Variants in HS6ST3 observed in about 807,000 individuals in gnomAD.
HS6ST3 encodes the protein heparan sulfate 6-O-sulfotransferase 3.
A neutral mutation model predicts 36.7 loss-of-function variants in HS6ST3; 12 were observed. That is an observed-to-expected ratio of 0.33 (90% confidence interval 0.21 to 0.53). The LOEUF (loss-of-function observed/expected upper bound fraction) is 0.53. Among genes scored for constraint, HS6ST3 ranks in the 20% least tolerant of loss-of-function variants. HS6ST3 has a pLI of 0.95. For synonymous variants in HS6ST3, 240 were observed against 257.5 expected (o/e 0.93, Z 0.65); for missense variants, 584 against 640.9 (o/e 0.91, Z 0.96).
chr13:96,512,433 T>C lies in HS6ST3; in HGVS notation c.708-320057T>C, dbSNP rs867578116. On this transcript the variant is annotated intron_variant, in intron 1 of 1. Transcript: ENST00000376705. ...TTTATCAAAATTCTCCAAAAATCCA[T>C]TTGGAACTCTTGATTGTGGCTGTAC... 4.8e-4 allele frequency among the ~76,000 whole-genome samples: 73 copies of C among 152,304 alleles called. No homozygotes were observed. The Middle Eastern group carries it at 0.014, about 28-fold the overall frequency.
intron 1 of HS6ST3, among the ~76,000 whole-genome samples, chr13:96,212,122 A>G (rs1462307688): frequency 6.6e-6 from 1 of 152,236 alleles, no homozygotes; most frequent in Non-Finnish European, 1.5e-5. Context: ...TCTCTAGGGT[A>G]AAAATTAAAA....
intron 1 of HS6ST3, among the ~76,000 whole-genome samples, chr13:96,301,837 G>A (rs189967902): frequency 2.7e-5 from 4 of 150,560 alleles, no homozygotes; most frequent in Non-Finnish European, 4.4e-5. Flanking sequence ...GGAGGCGGAC[G>A]TTGCAGTAAA....
Position 96,394,389 on chromosome 13 carries a change from G to T in HS6ST3, c.707+302820G>T, listed in dbSNP as rs1391309742. On this transcript the variant is annotated intron_variant, in intron 1 of 1. Coordinates refer to ENST00000376705, the MANE Select transcript of HS6ST3 (RefSeq NM_153456.4). ...AGCACGTCTTGAGATAAGGGATAAAGTGTCACTTTTTAGACTTCAGCAAGG... is the reference window on the plus strand; with the variant it reads ...AGCACGTCTTGAGATAAGGGATAAATTGTCACTTTTTAGACTTCAGCAAGG... 6.6e-5 allele frequency among the ~76,000 whole-genome samples: 10 copies of T among 152,116 alleles called. No individual in the cohort carries two copies. The East Asian group carries it at 1.9e-3, about 29-fold the overall frequency.
chr13:96,433,162 C>T (rs752345701), intron 1 of HS6ST3, among the ~76,000 whole-genome samples: 1 of 152,080 alleles, frequency 6.6e-6, no homozygotes, highest in African/African-American at 2.4e-5. Context: ...ATTCTCGGTT[C>T]TGATAAGAAA....
At chr13:96,120,585 A>G (rs1006784808) in intron 1 of HS6ST3, among the ~76,000 whole-genome samples, 1 of 152,152 alleles carries the variant, frequency 6.6e-6, no homozygotes, top group Non-Finnish European at 1.5e-5. Flanking sequence ...ATTGAACTTT[A>G]TTTCCTTTAT....
At chr13:96,316,257 CTGTG>C (rs10534465) in intron 1 of HS6ST3, among the ~76,000 whole-genome samples, 2,371 of 147,244 alleles carry the variant, frequency 0.016, 46 homozygotes, top group African/African-American at 0.044. Context: ...CTACATACAC[CTGTG>C]TGTGTGTGTG....
intron 1 of HS6ST3, among the ~76,000 whole-genome samples, chr13:96,665,728 A>G (rs547370928): frequency 2.0e-5 from 3 of 152,274 alleles, no homozygotes; most frequent in South Asian, 4.1e-4. Context: ...GATCATGAGC[A>G]TTAAGTAATA....
At chr13:96,604,914 C>T (rs1193348272) in intron 1 of HS6ST3, among the ~76,000 whole-genome samples, 1 of 152,140 alleles carries the variant, frequency 6.6e-6, no homozygotes, top group African/African-American at 2.4e-5. Context: ...TCTGCTGTGC[C>T]ATTTCCATAA....
chr13:96,327,253 C>G (rs1020984744), intron 1 of HS6ST3, among the ~76,000 whole-genome samples: 1 of 151,640 alleles, frequency 6.6e-6, no homozygotes, highest in African/African-American at 2.4e-5. Context: ...AAGTCCTTGC[C>G]CATGCCTATG....
intron 1 of HS6ST3, among the ~76,000 whole-genome samples, chr13:96,762,276 G>A (rs1176633534): frequency 2.0e-5 from 3 of 152,102 alleles, no homozygotes; most frequent in Non-Finnish European, 1.5e-5. Context: ...TCAGGAGTTT[G>A]AGACCAGCCT....
At chr13:96,822,152 C>A (rs546817598) in intron 1 of HS6ST3, among the ~76,000 whole-genome samples, 1 of 152,208 alleles carries the variant, frequency 6.6e-6, no homozygotes, top group Non-Finnish European at 1.5e-5. Flanking sequence ...CTGCTTTGCC[C>A]GGCTGGGATT....
intron 1 of HS6ST3, among the ~76,000 whole-genome samples, chr13:96,683,793 T>G (rs1417069687): frequency 1.3e-5 from 2 of 152,202 alleles, no homozygotes; most frequent in African/African-American, 4.8e-5. Flanking sequence ...TAGAAGACAA[T>G]TATTTCTATC....
intron 1 of HS6ST3, among the ~76,000 whole-genome samples, chr13:96,455,365 G>A (rs954071054): frequency 3.3e-5 from 5 of 151,998 alleles, no homozygotes; most frequent in Non-Finnish European, 5.9e-5. Context: ...GATTACAGGC[G>A]TGTACCACTA....
At position 96,837,891 on chromosome 13, in the gene HS6ST3, C is replaced by T. The variant is rs147144741; in HGVS notation, c.*4693C>T. ...CTCTCCCTTTTTAATGTCTTCTTCC[C>T]CAGGCTCCTGGTACTTTGTCAGCAA... is the stretch of plus-strand genomic sequence containing the variant. On this transcript the variant is annotated 3_prime_UTR_variant, in exon 2 of 2. Transcript: ENST00000376705. 2 of 152,128 alleles carry T rather than the reference C, an allele frequency of 1.3e-5. No individual in the cohort carries two copies. The highest frequency in any genetic ancestry group is 6.5e-5 in the Admixed American group (1 of 15,268). The allele number at this position is 152,128 out of a possible 1,614,324, so 9.4% of individuals were successfully genotyped here.
At position 96,200,380 on chromosome 13, in the gene HS6ST3, C is replaced by A. The variant is rs557510619; in HGVS notation, c.707+108811C>A. On this transcript the variant is annotated intron_variant, in intron 1 of 1. Transcript: ENST00000376705. ...CCTATTTTGACAGGCCTGGCATTCT[C>A]CTGCCTTAGGACTTTGCACTGGCAG... Among the ~76,000 whole-genome samples, 3 of 152,316 alleles carry A rather than the reference C, an allele frequency of 2.0e-5. No individual in the cohort carries two copies. In the East Asian group the frequency reaches 5.8e-4, roughly 29 times the overall value.
intron 1 of HS6ST3, among the ~76,000 whole-genome samples, chr13:96,217,054 C>T (rs1033056567): frequency 6.6e-5 from 10 of 152,112 alleles, no homozygotes; most frequent in Non-Finnish European, 1.5e-4. Flanking sequence ...GGGTCTGGAA[C>T]CTGCTCATCT....
chr13:96,223,550 A>G (rs2054465836), intron 1 of HS6ST3, among the ~76,000 whole-genome samples: 2 of 152,268 alleles, frequency 1.3e-5, no homozygotes, highest in Non-Finnish European at 1.5e-5. Context: ...CTTCCCTAGC[A>G]TTGACATTCA....
At chr13:96,124,408 C>T (rs2139307958) in intron 1 of HS6ST3, among the ~76,000 whole-genome samples, 1 of 152,216 alleles carries the variant, frequency 6.6e-6, no homozygotes, top group African/African-American at 2.4e-5. Context: ...AGTCTGCTTC[C>T]TTACTGTGAC....
chr13:96,837,774 A>G lies in HS6ST3; in HGVS notation c.*4576A>G, dbSNP rs1464165974. ...CCATCCAACTCAAAACCTATTCAAT[A>G]TGAAGGCCGAGGGAATGTGCTCACA... is the stretch of plus-strand genomic sequence containing the variant. On this transcript the variant is annotated 3_prime_UTR_variant, in exon 2 of 2. Transcript: ENST00000376705. 2 of 151,818 alleles carry G rather than the reference A, an allele frequency of 1.3e-5. No individual in the cohort carries two copies. Among genetic ancestry groups the G allele is most frequent in the Non-Finnish European group, 2.9e-5 (2 of 67,998 alleles). The allele number at this position is 151,818 out of a possible 1,614,324, so 9.4% of individuals were successfully genotyped here. A position where few individuals can be genotyped will look rare whatever the true frequency, so the allele number is the denominator to read the frequency against.
Sources: allele counts gnomAD v4.1 joint callset (sites outside exome capture counted in the v4.1 genomes callset), GRCh38; gene constraint gnomAD v4.1.1; transcripts MANE v1.5; gene names NCBI Gene and HGNC (gene_info 2026-07-23, HGNC 2026-07-21).